The following GAS6 variants were observed in gnomAD, a reference collection of about 807,000 sequenced individuals.
The protein encoded by GAS6 is growth arrest-specific protein 6.
A neutral mutation model predicts 75.8 loss-of-function variants in GAS6; 41 were observed. That is an observed-to-expected ratio of 0.54 (90% CI 0.42 to 0.70). The LOEUF (loss-of-function observed/expected upper bound fraction) is 0.70. Ranked by LOEUF, GAS6 falls within the 30% of genes least tolerant of loss-of-function variation. The pLI is 0.00. For missense variants in GAS6, 854 were observed against 940.2 expected, an observed-to-expected ratio of 0.91 and a Z score of 1.20; for synonymous variants, 432 against 412.6, an observed-to-expected ratio of 1.05 and a Z score of -0.57.
intron 2 of GAS6, among the ~76,000 whole-genome samples, chr13:113,858,986 G>C (rs1405653826): frequency 1.3e-5 from 2 of 151,860 alleles, no homozygotes; most frequent in Non-Finnish European, 2.9e-5. Context: ...CTATATGAAT[G>C]TGTGCATGTA....
chr13:113,854,685 G>A (rs193234433), intron 2 of GAS6, among the ~76,000 whole-genome samples: 10 of 152,400 alleles, frequency 6.6e-5, no homozygotes, highest in East Asian at 1.9e-4. Flanking sequence ...AAGCCCCACC[G>A]AGGGCTGCCT....
intron 4 of GAS6, chr13:113,842,721 C>T (rs969436369): frequency 1.8e-5 from 7 of 397,010 alleles, no homozygotes; most frequent in Non-Finnish European, 2.7e-5. Context: ...TCCTCAGAGG[C>T]CCCCACCATG....
chr13:113,826,663 C>T lies in GAS6; in HGVS notation c.1477+333G>A, dbSNP rs74418326. ...CTCCCCGGCCTCCTGGCGCCGGCCT[C>T]GCAGGCACCTTCTCTCCCCCGCCTC... On this transcript the variant is annotated intron_variant, in intron 12 of 14. Coordinates refer to ENST00000327773, the MANE Select transcript of GAS6 (RefSeq NM_000820.4). Among the ~76,000 whole-genome samples the T allele has an allele frequency of 2.2e-3, 143 of 65,216 alleles. 18 individuals are homozygous for T. Among genetic ancestry groups the T allele is most frequent in the African/African-American group, 6.1e-3 (53 of 8,678 alleles). The allele number at this position is 65,216 out of a possible 152,430, so 42.8% of individuals were successfully genotyped here.
intron 10 of GAS6, among the ~76,000 whole-genome samples, chr13:113,831,555 C>T (rs1216014489): frequency 6.6e-6 from 1 of 152,072 alleles, no homozygotes; most frequent in South Asian, 2.1e-4. Flanking sequence ...CCTCCAGACA[C>T]AGCCCAGGGT....
chr13:113,824,292 G>A (rs1489748276), intron 12 of GAS6, among the ~76,000 whole-genome samples: 1 of 100,658 alleles, frequency 9.9e-6, no homozygotes, highest in Non-Finnish European at 2.0e-5. Context: ...GAGCACGCGC[G>A]GTCTGGGGTC....
At chr13:113,856,019 G>T (rs1431801170) in intron 2 of GAS6, among the ~76,000 whole-genome samples, 4 of 152,180 alleles carry the variant, frequency 2.6e-5, no homozygotes, top group Non-Finnish European at 5.9e-5. Flanking sequence ...CCTGCAGGTT[G>T]GTGCCTTCCT....
intron 12 of GAS6, among the ~76,000 whole-genome samples, chr13:113,824,515 C>T (rs1054006457): frequency 6.6e-6 from 1 of 152,138 alleles, no homozygotes; most frequent in Non-Finnish European, 1.5e-5. Flanking sequence ...GACTAAGAAG[C>T]CAGAAGAAAA....
rs1032492316 is a variant in GAS6 at position 113,826,905 on chromosome 13, C to T, written c.1477+91G>A. The T allele has an allele frequency of 2.3e-5, 15 of 647,368 alleles. No individual in the cohort carries two copies. The Admixed American group carries it at 3.4e-4, about 15-fold the overall frequency. 40.1% of individuals were successfully genotyped at this position (647,368 alleles called of 1,614,324 possible). ...CCGGAGGAGCCTCAGCTTGTCCTGA[C>T]GCTGCCATCTGAGGCCGTCTGCTTG... is the stretch of plus-strand genomic sequence containing the variant. On this transcript the variant is annotated intron_variant, in intron 12 of 14. Transcript: ENST00000327773.
Position 113,848,558 on chromosome 13 carries a change from C to T in GAS6, c.256-508G>A, listed in dbSNP as rs529040638. ...TCCACATTCGACACAAGTGAGCTGT[C>T]GAGTCCTGGAACCACCTGCCTGTCA... On this transcript the variant is annotated intron_variant, in intron 2 of 14. Transcript: ENST00000327773. This position sits in a 1 kb window ranked among gnomAD's most constrained non-coding sequence, Gnocchi z 4.8. 2.6e-5 allele frequency among the ~76,000 whole-genome samples: 4 copies of T among 152,242 alleles called. No homozygotes were observed. Among genetic ancestry groups the T allele is most frequent in the African/African-American group, 7.2e-5 (3 of 41,542 alleles).
intron 4 of GAS6, chr13:113,841,051 T>C (rs7140110): frequency 0.28 from 43,001 of 152,316 alleles, 6,225 homozygotes; most frequent in South Asian, 0.39. Context: ...GTGTCGCTTC[T>C]GTTCCTGAGG....
intron 11 of GAS6, among the ~76,000 whole-genome samples, chr13:113,828,104 A>C (rs2051575656): frequency 6.6e-6 from 1 of 152,156 alleles, no homozygotes; most frequent in Non-Finnish European, 1.5e-5. Context: ...TCTACTAAAA[A>C]TACAAAAAAA....
At chr13:113,846,903 C>T (rs1173025978) in intron 3 of GAS6, 10 of 479,092 alleles carry the variant, frequency 2.1e-5, no homozygotes, top group Non-Finnish European at 3.2e-5. Context: ...AAGTTCCTGA[C>T]GGTACTCGAA....
Position 113,848,891 on chromosome 13 carries a change from G to A in GAS6, c.256-841C>T, listed in dbSNP as rs2051853196. ...GGAAACCCGGCTTCAGGATGGTTGT[G>A]GGATTCACCTGGGGGCATGAAGGTC... is the stretch of plus-strand genomic sequence containing the variant. On this transcript the variant is annotated intron_variant, in intron 2 of 14. Transcript: ENST00000327773. This position sits in a 1 kb window ranked among gnomAD's most constrained non-coding sequence, Gnocchi z 4.8. Among the ~76,000 whole-genome samples the A allele has an allele frequency of 3.9e-5, 6 of 152,346 alleles. No individual in the cohort carries two copies. The South Asian group carries it at 1.2e-3, about 32-fold the overall frequency.
intron 10 of GAS6, among the ~76,000 whole-genome samples, chr13:113,830,359 C>T (rs1046345693): frequency 2.6e-5 from 4 of 151,840 alleles, no homozygotes; most frequent in Admixed American, 6.6e-5. Flanking sequence ...ACTGCAACAC[C>T]GCTCCCCCAG....
chr13:113,832,346 G>A lies in GAS6; in HGVS notation c.1096C>T (p.Arg366Cys), dbSNP rs1242848546. 9 of 1,605,032 alleles carry A rather than the reference G, an allele frequency of 5.6e-6. No homozygotes were observed. Among genetic ancestry groups the A allele is most frequent in the Admixed American group, 1.7e-5 (1 of 59,982 alleles). ...ATGACCGGGCCGCTGCTGGTGACAC[G>A]GCCGACACCGTTGTAGCGCAGCTGC... ...ELQLRYNGVG[R>C]VTSSGPVINH... Residue 366 changes from arginine (R) to cysteine (C), a missense_variant, in exon 10 of 15, where the codon CGT (arginine) becomes TGT (cysteine). Arg to Cys is a radical substitution (Grantham distance 180). Coordinates refer to ENST00000327773, the MANE Select transcript of GAS6 (RefSeq NM_000820.4).
intron 12 of GAS6, among the ~76,000 whole-genome samples, chr13:113,825,956 G>T (rs1335146940): frequency 1.3e-5 from 2 of 152,204 alleles, no homozygotes; most frequent in East Asian, 3.9e-4. Context: ...AGGGGGCGCT[G>T]CCTGCCCTCT....
At position 113,835,595 on chromosome 13, in the gene GAS6, C is replaced by G; in HGVS notation, c.630G>C (p.Ala210=). 6.2e-7 allele frequency: 1 copy of G among 1,612,424 alleles called. No individual in the cohort carries two copies. The highest frequency in any genetic ancestry group is 8.5e-7 in the Non-Finnish European group (1 of 1,179,870). ...ECADSEACGE[A]RCKNLPGSYS... The stretch of plus-strand genomic sequence containing the variant: ...AGGAGCCGGGCAGGTTCTTGCAGCG[C>G]GCCTCCCCGCAGGCCTCCGAGTCTG... Residue 210 remains alanine (A), a synonymous_variant, in exon 7 of 15, where the codon GCG becomes GCC. Transcript: ENST00000327773.
Position 113,863,605 on chromosome 13 carries a change from C to T in GAS6, c.225G>A (p.Ala75=). ...CGGGGTCGTTCTCGAACACCTCCCG[C>T]GCCTCCTCGCGGCTGCACAGCTCCT... ...CVEELCSREE[A]REVFENDPET... The change falls in exon 2 of 15, where the codon GCG becomes GCA. Residue 75 remains alanine (A), a synonymous_variant. Coordinates refer to ENST00000327773, the MANE Select transcript of GAS6 (RefSeq NM_000820.4). The surrounding 1 kb of genome is among the most constrained non-coding windows in gnomAD (Gnocchi z 9.4). 6.6e-7 allele frequency: 1 copy of T among 1,523,512 alleles called. No homozygotes were observed. Among genetic ancestry groups the T allele is most frequent in the Middle Eastern group, 1.7e-4 (1 of 5,892 alleles). The allele number at this position is 1,523,512 out of a possible 1,614,324, so 94.4% of individuals were successfully genotyped here. A position where few individuals can be genotyped will look rare whatever the true frequency, so the allele number is the denominator to read the frequency against.
chr13:113,859,305 C>T (rs1321042388), intron 2 of GAS6, among the ~76,000 whole-genome samples: 1 of 149,552 alleles, frequency 6.7e-6, no homozygotes, highest in Non-Finnish European at 1.5e-5. Context: ...TGTATGTGTA[C>T]ATGTCTGTTA....
Sources: gnomAD v4.1 joint callset for allele counts (sites outside exome capture counted in the v4.1 genomes callset) on GRCh38, gnomAD v4.1.1 for gene constraint, Gnocchi (gnomAD v3.1) non-coding constraint, MANE v1.5 for transcripts, NCBI Gene and HGNC (gene_info 2026-07-23, HGNC 2026-07-21) for gene names.